The following SENP5 variants were observed in gnomAD, a reference collection of about 807,000 sequenced individuals.
SENP5 encodes SUMO specific peptidase 5, also known as sentrin-specific protease 5.
In SENP5, 21 loss-of-function variants were observed where a neutral mutation model predicts 74.2. That is an observed-to-expected ratio of 0.28 (90% CI 0.20 to 0.41). The LOEUF is 0.41. Ranked by LOEUF, SENP5 falls within the 10% of genes least tolerant of loss-of-function variation. The probability of loss-of-function intolerance (pLI) is 1.00; values close to 1 mark genes in which losing one functional copy is unlikely to be tolerated. For missense variants in SENP5, 717 were observed against 889.1 expected, an observed-to-expected ratio of 0.81 and a Z score of 2.46; for synonymous variants, 311 against 312.7, an observed-to-expected ratio of 0.99 and a Z score of 0.06.
chr3:196,904,711 C>T (rs764949617), intron 6 of SENP5, among the ~76,000 whole-genome samples: 3 of 152,242 alleles, frequency 2.0e-5, no homozygotes, highest in South Asian at 2.1e-4. Context: ...ATCGCTTGAA[C>T]ATGGGAGGTG....
intron 2 of SENP5, among the ~76,000 whole-genome samples, chr3:196,892,636 A>G (rs932149759): frequency 5.3e-5 from 8 of 152,190 alleles, no homozygotes; most frequent in African/African-American, 1.7e-4. Context: ...TATAGTCACC[A>G]GACTGTACAA....
intron 2 of SENP5, among the ~76,000 whole-genome samples, chr3:196,891,488 G>A (rs749672079): frequency 2.6e-5 from 4 of 152,074 alleles, no homozygotes; most frequent in Admixed American, 6.6e-5. Context: ...AATATAGGCC[G>A]GCCATGGTGG....
Position 196,903,636 on chromosome 3 carries a change from C to A in SENP5, c.1884+26C>A, listed in dbSNP as rs377089379. On this transcript the variant is annotated intron_variant, in intron 6 of 9. Transcript: ENST00000323460. Reference sequence around the variant, plus strand: ...GTATTCTCTTTATTTCTTTTTTATTCCAAATTTGAAACGCAGATGATAAAC... The same window carrying A: ...GTATTCTCTTTATTTCTTTTTTATTACAAATTTGAAACGCAGATGATAAAC... 8.2e-6 allele frequency: 12 copies of A among 1,467,884 alleles called. No individual in the cohort carries two copies. In the African/African-American group the frequency reaches 1.6e-4, roughly 19 times the overall value. The allele number at this position is 1,467,884 out of a possible 1,614,324, so 90.9% of individuals were successfully genotyped here.
At position 196,932,768 on chromosome 3, in the gene SENP5, G is replaced by GT. The variant is rs1716083914; in HGVS notation, c.*1846dup. 8.0e-6 allele frequency: 1 copy of GT among 124,546 alleles called. No individual in the cohort carries two copies. Among genetic ancestry groups the GT allele is most frequent in the Non-Finnish European group, 1.6e-5 (1 of 63,180 alleles). The allele number at this position is 124,546 out of a possible 1,614,324, so 7.7% of individuals were successfully genotyped here. On this transcript the variant is annotated 3_prime_UTR_variant, in exon 10 of 10. Coordinates refer to ENST00000323460, the MANE Select transcript of SENP5 (RefSeq NM_152699.5). The stretch of plus-strand genomic sequence containing the variant: ...TTTTTTTTTTTTTTGTGGGGGTGTG[G>GT]TATACCAAAGTAGCCAGTCACTGGG...
chr3:196,894,953 C>T (rs962615117), intron 2 of SENP5, among the ~76,000 whole-genome samples: 1 of 152,188 alleles, frequency 6.6e-6, no homozygotes, highest in Non-Finnish European at 1.5e-5. Context: ...CATCTTTTCA[C>T]TTAGGTTTTG....
intron 6 of SENP5, among the ~76,000 whole-genome samples, chr3:196,921,968 C>G (rs745674401): frequency 6.6e-6 from 1 of 152,198 alleles, no homozygotes; most frequent in Non-Finnish European, 1.5e-5. Context: ...CTTTATCACC[C>G]ACTCTACAAC....
intron 6 of SENP5, chr3:196,913,159 CAATA>C (rs1230190199): frequency 6.6e-6 from 1 of 151,328 alleles, no homozygotes; most frequent in Non-Finnish European, 1.5e-5. Context: ...ATCTAGTAGA[CAATA>C]AAGACATATA....
At chr3:196,902,644 C>T (rs1714743987) in intron 5 of SENP5, among the ~76,000 whole-genome samples, 1 of 152,166 alleles carries the variant, frequency 6.6e-6, no homozygotes, top group Non-Finnish European at 1.5e-5. Flanking sequence ...AACCACAGTG[C>T]TAAGGGAACA....
chr3:196,884,282 A>C (rs1186041735), intron 1 of SENP5, among the ~76,000 whole-genome samples: 2 of 152,230 alleles, frequency 1.3e-5, no homozygotes, highest in African/African-American at 4.8e-5. Context: ...GCTCTCACCC[A>C]GTGATGGTTC....
intron 1 of SENP5, among the ~76,000 whole-genome samples, chr3:196,872,729 A>C (rs950384961): frequency 6.6e-6 from 1 of 152,222 alleles, no homozygotes; most frequent in Non-Finnish European, 1.5e-5. Context: ...TTAAAGGTTT[A>C]GTTCCTCACT....
chr3:196,904,825 T>C (rs928141685), intron 6 of SENP5: 1 of 151,988 alleles, frequency 6.6e-6, no homozygotes, highest in Non-Finnish European at 1.5e-5. Flanking sequence ...ATGAAGACAT[T>C]AGAGGGTTTA....
chr3:196,914,586 A>AAAAAAAAAAAATATATAT lies in SENP5; in HGVS notation c.1885-8827_1885-8826insAAAAAAAAAATATATATA. The AAAAAAAAAAAATATATAT allele has an allele frequency of 2.4e-3, 81 of 33,452 alleles. 1 individual carries two copies. The highest frequency in any genetic ancestry group is 3.2e-3 in the African/African-American group (18 of 5,584). The allele number at this position is 33,452 out of a possible 1,614,324, so 2.1% of individuals were successfully genotyped here. Reference sequence around the variant, plus strand: ...CTTTAAAAAAAAAAAAAAAAAAAAAAATATATATATATATATATATATATA... The same window carrying AAAAAAAAAAAATATATAT: ...CTTTAAAAAAAAAAAAAAAAAAAAAAAAAAAAAAAAATATATATATATATATATATATATATATATATA... On this transcript the variant is annotated intron_variant, in intron 6 of 9. Coordinates refer to ENST00000323460, the MANE Select transcript of SENP5 (RefSeq NM_152699.5).
At chr3:196,903,019 T>A (rs998391613) in intron 5 of SENP5, among the ~76,000 whole-genome samples, 1 of 152,230 alleles carries the variant, frequency 6.6e-6, no homozygotes. Context: ...TCAGGTAGTC[T>A]ATTTACTGCC....
chr3:196,875,640 G>GA (rs1391299106), intron 1 of SENP5, among the ~76,000 whole-genome samples: 2 of 152,104 alleles, frequency 1.3e-5, no homozygotes, highest in African/African-American at 4.8e-5. Context: ...TTTCTTCAGA[G>GA]AAAAAATAAT....
Position 196,885,214 on chromosome 3 carries a change from A to G in SENP5, c.33A>G (p.Lys11=). 1.2e-6 allele frequency: 2 copies of G among 1,613,384 alleles called. No homozygotes were observed. Among genetic ancestry groups the G allele is most frequent in the Non-Finnish European group, 8.5e-7 (1 of 1,179,780 alleles). The change falls in exon 2 of 10, where the codon AAA becomes AAG. Residue 11 remains lysine (K), a synonymous_variant. Coordinates refer to ENST00000323460, the MANE Select transcript of SENP5 (RefSeq NM_152699.5). MKKQRKILWR[K]GIHLAFSEKW... ...AACAGAGGAAAATTCTATGGAGGAA[A>G]GGAATCCACTTAGCCTTTTCTGAGA...
chr3:196,905,744 A>G (rs576154812), intron 6 of SENP5, among the ~76,000 whole-genome samples: 1 of 152,182 alleles, frequency 6.6e-6, no homozygotes, highest in Admixed American at 6.5e-5. Context: ...GTCAGTTTTT[A>G]TGGAGGCTTC....
At chr3:196,900,479 T>G in intron 5 of SENP5, 67 bp downstream of exon 5, 1 of 1,342,374 alleles carries the variant, frequency 7.4e-7, no homozygotes, top group Non-Finnish European at 1.0e-6. Flanking sequence ...AGTTTTTTTG[T>G]TTTTACATTT....
intron 6 of SENP5, 68 bp from the exon 7 acceptor site, chr3:196,923,346 G>T: frequency 6.6e-7 from 1 of 1,520,854 alleles, no homozygotes. Flanking sequence ...GCAAATGGAA[G>T]CTGCTGGTTT....
intron 2 of SENP5, among the ~76,000 whole-genome samples, chr3:196,888,547 G>A (rs1577805915): frequency 2.0e-5 from 3 of 151,346 alleles, no homozygotes; most frequent in Non-Finnish European, 4.4e-5. Flanking sequence ...TTATGCCACC[G>A]TGCTCCAGCC....
Sources: gnomAD v4.1 joint callset for allele counts (sites outside exome capture counted in the v4.1 genomes callset) on GRCh38, gnomAD v4.1.1 for gene constraint, MANE v1.5 for transcripts, NCBI Gene and HGNC (gene_info 2026-07-23, HGNC 2026-07-21) for gene names.